The following FAM169A variants were observed in gnomAD, a reference collection of about 807,000 sequenced individuals.
FAM169A encodes the protein family with sequence similarity 169 member A.
FAM169A carries 24 observed loss-of-function variants against 75.7 expected under a neutral mutation model. The observed-to-expected ratio is 0.32, with a 90% CI of 0.23 to 0.45. FAM169A has a LOEUF of 0.45. FAM169A is among the 20% of genes least tolerant of loss of function. The pLI is 1.00. For synonymous variants in FAM169A, 271 were observed against 271.0 expected, an observed-to-expected ratio of 1.00 and a Z score of 0.00; for missense variants, 673 against 784.0, an observed-to-expected ratio of 0.86 and a Z score of 1.69.
At chr5:74,832,526 TAATA>T (rs1748366893) in intron 5 of FAM169A, among the ~76,000 whole-genome samples, 1 of 151,354 alleles carries the variant, frequency 6.6e-6, no homozygotes, top group South Asian at 2.1e-4. Flanking sequence ...CAAATCTTCT[TAATA>T]AAGATTTTAT....
intron 6 of FAM169A, 144 bp from the exon 7 acceptor site, chr5:74,805,428 C>T (rs1746815281): frequency 6.5e-6 from 3 of 463,800 alleles, no homozygotes; most frequent in Non-Finnish European, 1.1e-5. Context: ...CTCAAGTATA[C>T]AGTAGTTTCA....
chr5:74,844,178 C>G (rs532662967), intron 1 of FAM169A, among the ~76,000 whole-genome samples: 2 of 152,288 alleles, frequency 1.3e-5, no homozygotes, highest in South Asian at 4.1e-4. Flanking sequence ...ATGACAAGGC[C>G]GGGCACAGTG....
At chr5:74,810,521 G>A (rs925015183) in intron 6 of FAM169A, among the ~76,000 whole-genome samples, 3 of 152,066 alleles carry the variant, frequency 2.0e-5, no homozygotes, top group East Asian at 1.9e-4. Context: ...AGTCCGAGGC[G>A]GGTGGATCAC....
At chr5:74,855,919 T>C (rs768781449) in intron 1 of FAM169A, among the ~76,000 whole-genome samples, 7 of 152,264 alleles carry the variant, frequency 4.6e-5, no homozygotes, top group Non-Finnish European at 8.8e-5. Flanking sequence ...TCTGAGGTCT[T>C]AGATTTCAGT....
intron 5 of FAM169A, among the ~76,000 whole-genome samples, chr5:74,833,089 T>C (rs888387190): frequency 6.6e-6 from 1 of 152,110 alleles, no homozygotes; most frequent in Non-Finnish European, 1.5e-5. Context: ...GCTGTGCCTT[T>C]GTGTGTCTTT....
chr5:74,818,811 A>C (rs765292475), intron 5 of FAM169A, among the ~76,000 whole-genome samples: 1,959 of 149,456 alleles, frequency 0.013, 13 homozygotes, highest in Non-Finnish European at 0.018. Context: ...CTCTATATAT[A>C]TATATATATA....
chr5:74,809,625 A>C (rs1032976269), intron 6 of FAM169A, among the ~76,000 whole-genome samples: 2 of 152,200 alleles, frequency 1.3e-5, no homozygotes, highest in Admixed American at 1.3e-4. Context: ...TAACTCAATA[A>C]GAAGGCAAGC....
chr5:74,795,389 AAAGG>A (rs1260079940), intron 11 of FAM169A, among the ~76,000 whole-genome samples: 1 of 152,222 alleles, frequency 6.6e-6, no homozygotes, highest in Non-Finnish European at 1.5e-5. Flanking sequence ...GAATCTGTGG[AAAGG>A]AAAAGATTGA....
intron 5 of FAM169A, among the ~76,000 whole-genome samples, chr5:74,820,969 C>T (rs1043497160): frequency 2.6e-5 from 4 of 152,200 alleles, no homozygotes; most frequent in Non-Finnish European, 5.9e-5. Context: ...GCATTTTCAG[C>T]TCTTTGCCTG....
rs1745385566 is a variant in FAM169A, at chr5:74,781,018, T to A, written c.*442A>T. 1.3e-5 allele frequency: 2 copies of A among 153,788 alleles called. No individual in the cohort carries two copies. Among genetic ancestry groups the A allele is most frequent in the Non-Finnish European group, 2.9e-5 (2 of 69,212 alleles). 9.5% of individuals were successfully genotyped at this position (153,788 alleles called of 1,614,324 possible). A position where few individuals can be genotyped will look rare whatever the true frequency, so the allele number is the denominator to read the frequency against. ...TTTTTGTTTAGGCATGCCTACATTT[T>A]AAAAAATTGGTGATTAGTTTTGAAA... On this transcript the variant is annotated 3_prime_UTR_variant, in exon 13 of 13. Coordinates refer to ENST00000687041, the MANE Select transcript of FAM169A (RefSeq NM_001376049.1).
intron 4 of FAM169A, among the ~76,000 whole-genome samples, 172 bp downstream of exon 4, chr5:74,838,793 A>G (rs923291947): frequency 6.6e-6 from 1 of 152,224 alleles, no homozygotes; most frequent in African/African-American, 2.4e-5. Flanking sequence ...GAATCACATA[A>G]AAATGGAGGA....
Position 74,781,219 on chromosome 5 carries a change from C to A in FAM169A, c.*241G>T. On this transcript the variant is annotated 3_prime_UTR_variant, in exon 13 of 13. Transcript: ENST00000687041. ...AGAAAATATAATATGATCTGGTTTC[C>A]CAAAATTGAAACATGGTTAATAAAA... The A allele has an allele frequency of 2.2e-6, 1 of 450,934 alleles. No individual in the cohort carries two copies. The highest frequency in any genetic ancestry group is 3.9e-6 in the Non-Finnish European group (1 of 255,280). 27.9% of individuals were successfully genotyped at this position (450,934 alleles called of 1,614,324 possible).
At chr5:74,797,808 C>G (rs11952887) in intron 10 of FAM169A, among the ~76,000 whole-genome samples, 3,664 of 152,196 alleles carry the variant, frequency 0.024, 155 homozygotes, top group African/African-American at 0.084. Context: ...CTTTAGGCAT[C>G]GTGGGCCATA....
At chr5:74,835,873 T>G (rs1194961375) in intron 4 of FAM169A, among the ~76,000 whole-genome samples, 1 of 152,220 alleles carries the variant, frequency 6.6e-6, no homozygotes, top group Non-Finnish European at 1.5e-5. Context: ...CTGAAATCTA[T>G]TTCTCAAAGA....
chr5:74,799,918 G>A (rs1746474736), intron 10 of FAM169A: 1 of 878,750 alleles, frequency 1.1e-6, no homozygotes, highest in Non-Finnish European at 2.0e-6. Context: ...ACGGACAAGA[G>A]GGCCACGACT....
chr5:74,806,906 A>T (rs988294905), intron 6 of FAM169A, among the ~76,000 whole-genome samples: 1 of 152,214 alleles, frequency 6.6e-6, no homozygotes, highest in Admixed American at 6.5e-5. Flanking sequence ...AAAGATAAAG[A>T]TGATAAACCT....
intron 5 of FAM169A, among the ~76,000 whole-genome samples, chr5:74,820,832 T>C (rs934277231): frequency 6.6e-6 from 1 of 152,208 alleles, no homozygotes; most frequent in African/African-American, 2.4e-5. Context: ...ATTCTTTCTT[T>C]GGCCTAAAAA....
intron 1 of FAM169A, chr5:74,848,879 C>T (rs1386161506): frequency 6.6e-6 from 1 of 152,122 alleles, no homozygotes; most frequent in African/African-American, 2.4e-5. Context: ...GCTTCTCTCT[C>T]TTTTTTGTTG....
At chr5:74,841,739 A>C in intron 1 of FAM169A, 60 bp from the exon 2 acceptor site, 3 of 1,410,432 alleles carry the variant, frequency 2.1e-6, no homozygotes, top group South Asian at 1.5e-5. Flanking sequence ...TCCTTTACTC[A>C]CAGAAAATAA....
Sources: allele counts gnomAD v4.1 joint callset (sites outside exome capture counted in the v4.1 genomes callset), GRCh38; gene constraint gnomAD v4.1.1; transcripts MANE v1.5; gene names NCBI Gene and HGNC (gene_info 2026-07-23, HGNC 2026-07-21).